SKIC3: variants seen among roughly 807,000 people sequenced by gnomAD.
SKIC3 encodes SKI3 subunit of superkiller complex, also known as superkiller complex protein 3.
At chr5:95,523,198 T>C in the SKIC3 span, 3 of 1,613,716 alleles carry the variant, frequency 1.9e-6, no homozygotes, top group Non-Finnish European at 2.5e-6. Flanking sequence ...ATAAGGTGCC[T>C]TACTCAGCCA....
At chr5:95,464,645 T>G in the SKIC3 span, 5 of 1,613,682 alleles carry the variant, frequency 3.1e-6, no homozygotes, top group Admixed American at 1.7e-5. Context: ...TCCAATGCTC[T>G]TGTATCTCCA....
At chr5:95,490,891 T>C in the SKIC3 span, 4 of 1,613,878 alleles carry the variant, frequency 2.5e-6, no homozygotes, top group South Asian at 4.4e-5. Context: ...TGTATAAAGA[T>C]GCTTTTAAAA....
the SKIC3 span, among the ~76,000 whole-genome samples, chr5:95,492,676 A>AAAAAAAAAAAAAAAAAAAAAAC: frequency 7.2e-6 from 1 of 138,886 alleles, no homozygotes; most frequent in Non-Finnish European, 1.5e-5. Context: ...AAAAAAAAAA[A>AAAAAAAAAAAAAAAAAAAAAAC]AAAAAAAAAA....
At chr5:95,468,125 TAAC>T in the SKIC3 span, 1 of 1,149,484 alleles carries the variant, frequency 8.7e-7, no homozygotes, top group East Asian at 2.6e-5. Flanking sequence ...TTAATTCAGA[TAAC>T]AATAAAGGTA....
the SKIC3 span, among the ~76,000 whole-genome samples, chr5:95,484,340 CT>C: frequency 0.084 from 10,099 of 119,904 alleles, 497 homozygotes; most frequent in African/African-American, 0.16. Context: ...ATGCATTCCT[CT>C]TTTTTTTTTT....
chr5:95,524,736 T>G, the SKIC3 span: 1 of 1,129,878 alleles, frequency 8.9e-7, no homozygotes, highest in Middle Eastern at 2.3e-4. Flanking sequence ...CTTTAGGATT[T>G]ATATTATCAT....
the SKIC3 span, among the ~76,000 whole-genome samples, chr5:95,492,652 GAAAAAAAAAAAAAAA>G: frequency 3.1e-4 from 15 of 48,840 alleles, no homozygotes; most frequent in South Asian, 8.4e-4. Context: ...AAAAAAAAAA[GAAAAAAAAAAAAAAA>G]AAAAAAAAAA....
At chr5:95,536,961 G>C in the SKIC3 span, 1 of 1,592,652 alleles carries the variant, frequency 6.3e-7, no homozygotes, top group Middle Eastern at 1.7e-4. Flanking sequence ...CTACATTCTA[G>C]TAGTAGTAAA....
chr5:95,517,163 G>A, the SKIC3 span: 1 of 1,613,296 alleles, frequency 6.2e-7, no homozygotes, highest in Non-Finnish European at 8.5e-7. Context: ...CAAGGTGGAG[G>A]AGCTCATTTT....
chr5:95,492,429 G>A, the SKIC3 span, among the ~76,000 whole-genome samples: 1,844 of 151,164 alleles, frequency 0.012, 37 homozygotes, highest in African/African-American at 0.042. Flanking sequence ...GAGGTCAAGA[G>A]ATCGAGACCA....
At chr5:95,482,400 G>A in the SKIC3 span, 9 of 1,462,968 alleles carry the variant, frequency 6.2e-6, no homozygotes, top group Non-Finnish European at 7.6e-6. Context: ...TAAAAATGGA[G>A]CATAGCCCTG....
At chr5:95,543,909 C>T in the SKIC3 span, among the ~76,000 whole-genome samples, 1 of 152,176 alleles carries the variant, frequency 6.6e-6, no homozygotes, top group African/African-American at 2.4e-5. Context: ...TCAGAAATAA[C>T]AGCTACTTGC....
chr5:95,547,513 C>G, the SKIC3 span, among the ~76,000 whole-genome samples: 1 of 151,960 alleles, frequency 6.6e-6, no homozygotes, highest in African/African-American at 2.4e-5. Flanking sequence ...TTTTCTGGGT[C>G]CCAACCCCAC....
chr5:95,517,049 C>A, the SKIC3 span: 1 of 1,613,578 alleles, frequency 6.2e-7, no homozygotes, highest in Non-Finnish European at 8.5e-7. Flanking sequence ...TTTTAATGCA[C>A]GACCATAACA....
At chr5:95,529,450 C>T in the SKIC3 span, 1 of 364,178 alleles carries the variant, frequency 2.7e-6, no homozygotes, top group African/African-American at 2.1e-5. Flanking sequence ...TGTCAGGATA[C>T]TGTGCAAACT....
chr5:95,533,338 A>T, the SKIC3 span, among the ~76,000 whole-genome samples: 10 of 152,252 alleles, frequency 6.6e-5, no homozygotes, highest in African/African-American at 2.2e-4. Context: ...TGAAGTAGCA[A>T]ATTCTGTACA....
the SKIC3 span, chr5:95,467,755 T>C: frequency 6.8e-7 from 1 of 1,461,642 alleles, no homozygotes; most frequent in Non-Finnish European, 9.2e-7. Flanking sequence ...AAAAATTCAA[T>C]CATAAAAGTG....
chr5:95,530,254 A>G, the SKIC3 span: 2 of 1,611,728 alleles, frequency 1.2e-6, no homozygotes, highest in South Asian at 1.1e-5. Context: ...AAAGGTTATT[A>G]GTATACATAT....
chr5:95,511,109 T>C, the SKIC3 span, among the ~76,000 whole-genome samples: 1 of 152,050 alleles, frequency 6.6e-6, no homozygotes, highest in Non-Finnish European at 1.5e-5. Context: ...TCAACAAAAT[T>C]GAGTCATAAT....
Sources: gnomAD v4.1 joint callset for allele counts (sites outside exome capture counted in the v4.1 genomes callset) on GRCh38, gnomAD v4.1.1 for gene constraint, MANE v1.5 for transcripts, NCBI Gene and HGNC (gene_info 2026-07-23, HGNC 2026-07-21) for gene names.